Variants in SLC24A4 observed in about 807,000 individuals in gnomAD.
The protein encoded by SLC24A4 is solute carrier family 24 member 4, also known as sodium/potassium/calcium exchanger 4.
Under a neutral mutation model 79.0 loss-of-function variants are expected in SLC24A4, and 53 were observed. The observed-to-expected ratio is 0.67, with a 90% CI of 0.54 to 0.84. SLC24A4 has a LOEUF of 0.84. SLC24A4 is among the 40% of genes least tolerant of loss of function. The pLI is 0.00. For synonymous variants in SLC24A4, 323 were observed against 323.8 expected (o/e 1.00, Z 0.03); for missense variants, 731 against 822.0 (o/e 0.89, Z 1.35).
chr14:92,440,436 G>A (rs1327504448), intron 4 of SLC24A4, among the ~76,000 whole-genome samples: 1 of 152,150 alleles, frequency 6.6e-6, no homozygotes, highest in Non-Finnish European at 1.5e-5. Context: ...GTTATTAAGT[G>A]TTGTTGCTTC....
At chr14:92,428,843 C>T (rs932397616) in intron 2 of SLC24A4, among the ~76,000 whole-genome samples, 1 of 152,180 alleles carries the variant, frequency 6.6e-6, no homozygotes, top group African/African-American at 2.4e-5. Flanking sequence ...AGAAGCTAAG[C>T]AAGAATGTTT....
At chr14:92,421,830 A>AT (rs201941995) in intron 2 of SLC24A4, among the ~76,000 whole-genome samples, 11 of 151,886 alleles carry the variant, frequency 7.2e-5, no homozygotes, top group East Asian at 1.9e-4. Flanking sequence ...TTAAAACTTC[A>AT]TTTTTTTAAA....
Position 92,495,567 on chromosome 14 carries a change from T to C in SLC24A4, c.*1939T>C, listed in dbSNP as rs1895895255. 6.6e-6 allele frequency: 1 copy of C among 152,220 alleles called. No homozygotes were observed. The highest frequency in any genetic ancestry group is 1.5e-5 in the Non-Finnish European group (1 of 68,052). The allele number at this position is 152,220 out of a possible 1,614,324, so 9.4% of individuals were successfully genotyped here. On this transcript the variant is annotated 3_prime_UTR_variant, in exon 17 of 17. Transcript: ENST00000532405. Reference sequence around the variant, plus strand: ...CACCTTAATAGCCAAGTTCTCCTGGTTCCTCCGATCTTACAGGCTCATCCA... The same window carrying C: ...CACCTTAATAGCCAAGTTCTCCTGGCTCCTCCGATCTTACAGGCTCATCCA...
intron 2 of SLC24A4, among the ~76,000 whole-genome samples, chr14:92,363,827 T>TA (rs139830062): frequency 0.031 from 4,579 of 145,694 alleles, 231 homozygotes; most frequent in African/African-American, 0.11. Context: ...AGACTCCGTC[T>TA]AAAAAAAAAA....
intron 16 of SLC24A4, among the ~76,000 whole-genome samples, 185 bp downstream of exon 16, chr14:92,492,425 C>T (rs897638767): frequency 2.6e-5 from 4 of 152,200 alleles, no homozygotes; most frequent in East Asian, 1.9e-4. Context: ...TTGGCACTCT[C>T]GCTGTGCTTT....
chr14:92,344,719 T>C (rs1302229984), intron 2 of SLC24A4, among the ~76,000 whole-genome samples: 1 of 152,094 alleles, frequency 6.6e-6, no homozygotes, highest in African/African-American at 2.4e-5. Flanking sequence ...TTTCAGAGAC[T>C]GGGTTTTGAT....
At chr14:92,355,005 C>T (rs1887095710) in intron 2 of SLC24A4, among the ~76,000 whole-genome samples, 1 of 152,184 alleles carries the variant, frequency 6.6e-6, no homozygotes, top group African/African-American at 2.4e-5. Context: ...ACCCAGGAGG[C>T]AGAGGTTGGA....
At chr14:92,426,752 A>G (rs1891586846) in intron 2 of SLC24A4, among the ~76,000 whole-genome samples, 2 of 150,340 alleles carry the variant, frequency 1.3e-5, no homozygotes, top group African/African-American at 2.4e-5. Context: ...AAACTGTACA[A>G]TTGGTGGGGC....
intron 12 of SLC24A4, among the ~76,000 whole-genome samples, chr14:92,482,090 G>A (rs971276204): frequency 3.9e-5 from 6 of 152,208 alleles, no homozygotes; most frequent in African/African-American, 1.4e-4. Flanking sequence ...CACCTGCTGT[G>A]TGCCAGGCCC....
rs182490937 is a variant in SLC24A4, at chr14:92,333,989, G to A, written c.241+8011G>A. Among the ~76,000 whole-genome samples the A allele has an allele frequency of 3.4e-3, 515 of 152,134 alleles. 3 individuals carry two copies. The highest frequency in any genetic ancestry group is 0.012 in the African/African-American group (492 of 41,430). Reference sequence around the variant, plus strand: ...GAGAAAGCACGAGAAATCAAGAGAAGGACAAGGGGCCTAGAGCTGCAAAAA... The same window carrying A: ...GAGAAAGCACGAGAAATCAAGAGAAAGACAAGGGGCCTAGAGCTGCAAAAA... On this transcript the variant is annotated intron_variant, in intron 2 of 16. Coordinates refer to ENST00000532405, the MANE Select transcript of SLC24A4 (RefSeq NM_153646.4).
intron 2 of SLC24A4, among the ~76,000 whole-genome samples, chr14:92,403,900 T>G (rs1890242032): frequency 7.8e-6 from 1 of 127,864 alleles, no homozygotes; most frequent in South Asian, 2.6e-4. Context: ...GCCCAGTCAC[T>G]CACTTCAGTG....
At chr14:92,468,035 A>AC (rs1894219151) in intron 12 of SLC24A4, among the ~76,000 whole-genome samples, 1 of 152,284 alleles carries the variant, frequency 6.6e-6, no homozygotes, top group Admixed American at 6.5e-5. Context: ...AATCCTAAGG[A>AC]ACCCACACAA....
intron 2 of SLC24A4, chr14:92,408,307 A>C: frequency 1.3e-6 from 1 of 754,080 alleles, no homozygotes; most frequent in Non-Finnish European, 1.6e-6. Flanking sequence ...GGCTAAATTG[A>C]GTCTTCTGGG....
At chr14:92,407,565 G>T (rs1278440736) in intron 2 of SLC24A4, among the ~76,000 whole-genome samples, 1 of 152,094 alleles carries the variant, frequency 6.6e-6, no homozygotes, top group African/African-American at 2.4e-5. Flanking sequence ...CATGACTAGG[G>T]GGCCTGAAGA....
chr14:92,391,872 T>C (rs1018289815), intron 2 of SLC24A4, among the ~76,000 whole-genome samples: 77 of 152,316 alleles, frequency 5.1e-4, no homozygotes, highest in Admixed American at 3.5e-3. Context: ...CTGCCGGCCA[T>C]GTGAGTGTGC....
chr14:92,483,594 A>C, intron 13 of SLC24A4: 1 of 467,326 alleles, frequency 2.1e-6, no homozygotes, highest in Non-Finnish European at 3.8e-6. Flanking sequence ...ATAAGCTCCT[A>C]TGGCCATACA....
chr14:92,328,765 A>T (rs969349018), intron 2 of SLC24A4, among the ~76,000 whole-genome samples: 13 of 152,244 alleles, frequency 8.5e-5, no homozygotes, highest in African/African-American at 2.9e-4. Context: ...CCACCCTTGC[A>T]GATTGATCTG....
intron 2 of SLC24A4, among the ~76,000 whole-genome samples, chr14:92,404,961 AT>A (rs1165705131): frequency 2.0e-5 from 3 of 152,222 alleles, no homozygotes; most frequent in African/African-American, 7.2e-5. Context: ...AGTCTTATAC[AT>A]TTAAATGAAA....
At chr14:92,493,314 C>T (rs534081733) in intron 16 of SLC24A4, among the ~76,000 whole-genome samples, 162 bp from the exon 17 acceptor site, 16 of 152,186 alleles carry the variant, frequency 1.1e-4, no homozygotes, top group Non-Finnish European at 1.9e-4. Flanking sequence ...CCCTCTAGGG[C>T]TTATTCTGGT....
Sources: allele counts gnomAD v4.1 joint callset (sites outside exome capture counted in the v4.1 genomes callset), GRCh38; gene constraint gnomAD v4.1.1; transcripts MANE v1.5; gene names NCBI Gene and HGNC (gene_info 2026-07-23, HGNC 2026-07-21).